The following ADPRHL1 variants were observed in gnomAD, a reference collection of about 807,000 sequenced individuals.
The protein encoded by ADPRHL1 is inactive ADP-ribosyltransferase ARH2.
Under a neutral mutation model 44.1 loss-of-function variants are expected in ADPRHL1, and 43 were observed. The observed-to-expected ratio is 0.98, with a 90% CI of 0.76 to 1.26. ADPRHL1 has a LOEUF of 1.26. Ranked by LOEUF, ADPRHL1 falls within the 50% of genes most tolerant of loss-of-function variation. The pLI, the probability that ADPRHL1 is intolerant of heterozygous loss-of-function variation, is 0.00. For missense variants in ADPRHL1, 2,022 were observed against 2,496.9 expected, an observed-to-expected ratio of 0.81 and a Z score of 4.05; for synonymous variants, 878 against 1,017.4, an observed-to-expected ratio of 0.86 and a Z score of 2.61.
intron 6 of ADPRHL1, among the ~76,000 whole-genome samples, chr13:113,423,715 G>T (rs755632467): frequency 6.6e-6 from 1 of 152,230 alleles, no homozygotes; most frequent in Admixed American, 6.5e-5. Flanking sequence ...CGGCCAGGGC[G>T]GCACAGAGCC....
In ADPRHL1 at chr13:113,436,382, T is replaced by C. The variant is rs377549297; in HGVS notation, c.380-2515A>G. On this transcript the variant is annotated intron_variant, in intron 2 of 7. Coordinates refer to ENST00000612156, the MANE Select transcript of ADPRHL1 (RefSeq NM_001394807.1). ...CCAGCACCCAGGTGTAGGGTGAACA[T>C]AGGTGTACCCCGGGACCCAGCACCC... Among the ~76,000 whole-genome samples the C allele has an allele frequency of 6.5e-4, 25 of 38,440 alleles. 1 individual carries two copies. Among genetic ancestry groups the C allele is most frequent in the East Asian group, 1.8e-3 (2 of 1,102 alleles). 25.2% of individuals were successfully genotyped at this position (38,440 alleles called of 152,430 possible). A position where few individuals can be genotyped will look rare whatever the true frequency, so the allele number is the denominator to read the frequency against.
intron 7 of ADPRHL1, among the ~76,000 whole-genome samples, chr13:113,410,496 G>A (rs1023328206): frequency 2.0e-5 from 3 of 152,194 alleles, no homozygotes; most frequent in East Asian, 1.9e-4. Flanking sequence ...AACTAAACTC[G>A]GAACCTGCTG....
chr13:113,426,262 C>T (rs527358827), intron 4 of ADPRHL1, among the ~76,000 whole-genome samples: 15 of 152,330 alleles, frequency 9.8e-5, no homozygotes, highest in East Asian at 1.9e-4. Context: ...TGCCCAGACC[C>T]GGGCCCACTG....
rs150226658 is a variant in ADPRHL1, at chr13:113,404,053, C to T, written c.5229G>A (p.Gly1743=). Residue 1743 remains glycine, a synonymous_variant, in exon 8 of 8, where the codon GGG becomes GGA. Transcript: ENST00000612156. ...CCTGTTCCTGAGCCCGTTCCTGAGC[C>T]CCTTTCTGGGCCTGTTCCCGAGCCC... ...QERAREQAQK[G]AQERAQEQGR... 2,210 of 1,204,182 alleles carry T rather than the reference C, an allele frequency of 1.8e-3. 1 individual carries two copies. The highest frequency in any genetic ancestry group is 6.0e-3 in the South Asian group (251 of 41,708). 74.6% of individuals were successfully genotyped at this position (1,204,182 alleles called of 1,614,324 possible). A position where few individuals can be genotyped will look rare whatever the true frequency, so the allele number is the denominator to read the frequency against.
chr13:113,413,438 G>A (rs891061012), intron 7 of ADPRHL1, among the ~76,000 whole-genome samples: 3 of 152,240 alleles, frequency 2.0e-5, no homozygotes, highest in East Asian at 1.9e-4. Flanking sequence ...GGGGAACAGC[G>A]TGGACGCCAG....
chr13:113,444,562 C>T lies in ADPRHL1; in HGVS notation c.242G>A (p.Arg81Gln), dbSNP rs765759644. ...TDYWCLDDLY[R>Q]EMVRCYVEIV... ...TTCCACATAGCATCTCACCATCTCC[C>T]GGTACAGATCATCCAGGCACCAGTA... is the stretch of plus-strand genomic sequence containing the variant. Residue 81 changes from arginine (R) to glutamine (Q), a missense_variant, in exon 2 of 8, where the codon CGG becomes CAG. Physicochemically the swap from Arg to Gln is conservative, Grantham distance 43. Around this residue, in one of 8 missense-constraint regions of ADPRHL1, gnomAD observed 437 missense variants for 430.7 expected, o/e 1.01. Coordinates refer to ENST00000612156, the MANE Select transcript of ADPRHL1 (RefSeq NM_001394807.1). 41 of 1,614,026 alleles carry T rather than the reference C, an allele frequency of 2.5e-5. No individual in the cohort carries two copies. Among genetic ancestry groups the T allele is most frequent in the Middle Eastern group, 1.6e-4 (1 of 6,078 alleles).
chr13:113,403,944 C>T lies in ADPRHL1; in HGVS notation c.5338G>A (p.Gly1780Ser), dbSNP rs938831743. The change falls in exon 8 of 8, where the codon GGC (glycine) becomes AGC (serine). Residue 1780 changes from glycine to serine, a missense_variant. Transcript: ENST00000612156. ...EWARDRARDQ[G>S]WEQTQIETQR... ...GTCTCTATCTGGGTCTGCTCCCAGC[C>T]CTGATCCCGAGCCCGATCCCGAGCC... 1.5e-5 allele frequency: 19 copies of T among 1,310,312 alleles called. No homozygotes were observed. The East Asian group carries it at 4.0e-4, about 28-fold the overall frequency. 81.2% of individuals were successfully genotyped at this position (1,310,312 alleles called of 1,614,324 possible). A position where few individuals can be genotyped will look rare whatever the true frequency, so the allele number is the denominator to read the frequency against.
chr13:113,419,964 G>C (rs535824586), intron 7 of ADPRHL1, among the ~76,000 whole-genome samples: 187 of 152,176 alleles, frequency 1.2e-3, no homozygotes, highest in African/African-American at 4.4e-3. Flanking sequence ...TCTCACATAA[G>C]CAGGTGTGTC....
intron 5 of ADPRHL1, among the ~76,000 whole-genome samples, chr13:113,424,613 C>T (rs12865575): frequency 0.27 from 35,109 of 132,398 alleles, 4,242 homozygotes; most frequent in Middle Eastern, 0.44. Context: ...CACCAGCACA[C>T]GTGGCTAATT....
chr13:113,448,220 T>C (rs111752606), intron 1 of ADPRHL1, among the ~76,000 whole-genome samples: 2,918 of 151,878 alleles, frequency 0.019, 53 homozygotes, highest in Non-Finnish European at 0.024. Context: ...AGGGGCCGGG[T>C]GCAGTGGCTC....
Position 113,427,525 on chromosome 13 carries a change from G to A in ADPRHL1, c.646+1427C>T, listed in dbSNP as rs1324110850. 5.9e-5 allele frequency among the ~76,000 whole-genome samples: 9 copies of A among 152,102 alleles called. No individual in the cohort carries two copies. In the South Asian group the frequency reaches 6.2e-4, roughly 11 times the overall value. ...ATTATAGGCGTGAGCCACCACGCCC[G>A]GCCTCTTTTTTCTTTTCTTTTTTTT... On this transcript the variant is annotated intron_variant, in intron 4 of 7. Coordinates refer to ENST00000612156, the MANE Select transcript of ADPRHL1 (RefSeq NM_001394807.1).
At chr13:113,440,295 C>G (rs1360447738) in intron 2 of ADPRHL1, among the ~76,000 whole-genome samples, 1 of 152,170 alleles carries the variant, frequency 6.6e-6, no homozygotes, top group Non-Finnish European at 1.5e-5. Flanking sequence ...ACAGAGACAT[C>G]TAGGTTTGTT....
rs1225958981 is a variant in ADPRHL1 at position 113,430,717 on chromosome 13, G to C, written c.506-1625C>G. On this transcript the variant is annotated intron_variant, in intron 3 of 7. Coordinates refer to ENST00000612156, the MANE Select transcript of ADPRHL1 (RefSeq NM_001394807.1). ...GTGATAAAAGGCGGGGGTGGCACTA[G>C]TGGCGGGGGTGGCAGTGGCACCAGT... Among the ~76,000 whole-genome samples the C allele has an allele frequency of 3.4e-5, 5 of 148,308 alleles. No homozygotes were observed. In the East Asian group the frequency reaches 7.7e-4, roughly 23 times the overall value.
In ADPRHL1 at chr13:113,453,110, A is replaced by T; in HGVS notation, c.214+114T>A. On this transcript the variant is annotated intron_variant, in intron 1 of 7. Transcript: ENST00000612156. The surrounding 1 kb of genome is among the most constrained non-coding windows in gnomAD (Gnocchi z 5.4). ...ACTTTTAGCAGCGGTATCAGGTAAC[A>T]CCATCCGCTGAAGGACCGCACTGCC... The T allele has an allele frequency of 8.8e-7, 1 of 1,142,090 alleles. No homozygotes were observed. The highest frequency in any genetic ancestry group is 1.3e-6 in the Non-Finnish European group (1 of 793,148). The allele number at this position is 1,142,090 out of a possible 1,614,324, so 70.7% of individuals were successfully genotyped here. A position where few individuals can be genotyped will look rare whatever the true frequency, so the allele number is the denominator to read the frequency against.
chr13:113,429,565 G>C (rs953439945), intron 3 of ADPRHL1, among the ~76,000 whole-genome samples: 14 of 152,264 alleles, frequency 9.2e-5, no homozygotes, highest in Non-Finnish European at 2.9e-5. Flanking sequence ...TCATCTGTGT[G>C]TGGATGCATG....
intron 2 of ADPRHL1, among the ~76,000 whole-genome samples, chr13:113,443,942 CAA>C (rs57907442): frequency 3.2e-5 from 4 of 125,266 alleles, no homozygotes; most frequent in Non-Finnish European, 3.5e-5. Flanking sequence ...GACTCCATCT[CAA>C]AAAAAAAAAA....
At chr13:113,421,698 T>A (rs546076573) in intron 7 of ADPRHL1, among the ~76,000 whole-genome samples, 5 of 152,120 alleles carry the variant, frequency 3.3e-5, no homozygotes, top group Non-Finnish European at 5.9e-5. Flanking sequence ...GAATCCTAAG[T>A]GGGAGCATAA....
chr13:113,442,105 T>C (rs2044103572), intron 2 of ADPRHL1, among the ~76,000 whole-genome samples: 1 of 152,278 alleles, frequency 6.6e-6, no homozygotes, highest in Non-Finnish European at 1.5e-5. Context: ...TCAGCTTTTG[T>C]TTGTCTGAGA....
chr13:113,433,998 T>C lies in ADPRHL1; in HGVS notation c.380-131A>G, dbSNP rs1290310561. 3.7e-6 allele frequency: 5 copies of C among 1,344,158 alleles called. No individual in the cohort carries two copies. The African/African-American group carries it at 7.5e-5, about 20-fold the overall frequency. 83.3% of individuals were successfully genotyped at this position (1,344,158 alleles called of 1,614,324 possible). ...ACATGTTATCAGAGTGTGGTTTAAA[T>C]GAGCGAGCCATGGGCAGGCCACTCA... On this transcript the variant is annotated intron_variant, in intron 2 of 7. Transcript: ENST00000612156.
Sources: gnomAD v4.1 joint callset for allele counts (sites outside exome capture counted in the v4.1 genomes callset) on GRCh38, gnomAD v4.1.1 for gene constraint, gnomAD v4.1.1 regional missense constraint, Gnocchi (gnomAD v3.1) non-coding constraint, MANE v1.5 for transcripts, NCBI Gene and HGNC (gene_info 2026-07-23, HGNC 2026-07-21) for gene names.